Variants in SALL2 observed in about 807,000 individuals in gnomAD.
SALL2 encodes sal-like protein 2.
Under a neutral mutation model 58.5 loss-of-function variants are expected in SALL2, and 32 were observed. The observed-to-expected ratio is 0.55, with a 90% CI of 0.41 to 0.74. The LOEUF (loss-of-function observed/expected upper bound fraction) is 0.74. Ranked by LOEUF, SALL2 falls within the 30% of genes least tolerant of loss-of-function variation. The probability of loss-of-function intolerance (pLI) is 0.00; values close to 1 mark genes in which losing one functional copy is unlikely to be tolerated. For missense variants in SALL2, 1,201 were observed against 1,268.9 expected (o/e 0.95, Z 0.81); for synonymous variants, 516 against 513.6 (o/e 1.00, Z -0.06).
At chr14:21,536,922 T>G in intron 1 of SALL2, 1 of 1,613,892 alleles carries the variant, frequency 6.2e-7, no homozygotes. Flanking sequence ...GCCGAGACAT[T>G]CCCGGGTAGA....
chr14:21,521,716 A>G lies in SALL2; in HGVS notation c.*988T>C. On this transcript the variant is annotated 3_prime_UTR_variant, in exon 2 of 2. Coordinates refer to ENST00000537235, the MANE Select transcript of SALL2 (RefSeq NM_001364564.1). ...ACCATGCTGACCAAAAATGCTCCTTAAAGATACGAACTTCACATTTCCCAA... is the reference window on the plus strand; with the variant it reads ...ACCATGCTGACCAAAAATGCTCCTTGAAGATACGAACTTCACATTTCCCAA... 1 of 348,494 alleles carries G rather than the reference A, an allele frequency of 2.9e-6. No individual in the cohort carries two copies. Among genetic ancestry groups the G allele is most frequent in the South Asian group, 4.1e-5 (1 of 24,186 alleles). The allele number at this position is 348,494 out of a possible 1,614,324, so 21.6% of individuals were successfully genotyped here.
chr14:21,531,659 C>T (rs535274881), intron 1 of SALL2, among the ~76,000 whole-genome samples: 75 of 151,544 alleles, frequency 4.9e-4, no homozygotes, highest in Admixed American at 1.1e-3. Context: ...CTGCCCACCT[C>T]GGCCTCCCAA....
At position 21,525,541 on chromosome 14, in the gene SALL2, T is replaced by C; in HGVS notation, c.181A>G (p.Met61Val). ...QNACSTDPPVMVIIGGQENPN... is the reference protein window; with the variant it reads ...QNACSTDPPVVVIIGGQENPN... ...TTCTCCTGGCCCCCAATTATCACCA[T>C]TACAGGAGGGTCAGTAGAACATGCG... Residue 61 changes from methionine (M) to valine (V), a missense_variant, in exon 2 of 2, where the codon ATG becomes GTG. Met to Val is a conservative substitution (Grantham distance 21). Coordinates refer to ENST00000537235, the MANE Select transcript of SALL2 (RefSeq NM_001364564.1). This position sits in a 1 kb window ranked among gnomAD's most constrained non-coding sequence, Gnocchi z 4.4. 1 of 1,613,890 alleles carries C rather than the reference T, an allele frequency of 6.2e-7. No individual in the cohort carries two copies.
rs2139664998 is a variant in SALL2 at position 21,522,877 on chromosome 14, C to G, written c.2845G>C (p.Glu949Gln). Residue 949 changes from glutamate (E) to glutamine (Q), a missense_variant, in exon 2 of 2, where the codon GAG becomes CAG. This residue lies in a region of SALL2 where 675 missense variants were observed against 683.8 expected (regional missense o/e 0.99). Coordinates refer to ENST00000537235, the MANE Select transcript of SALL2 (RefSeq NM_001364564.1). Reference protein sequence around the residue: ...TCVFCRQGFLERATLKKHMLL... With the variant: ...TCVFCRQGFLQRATLKKHMLL... ...ATATGCTTCTTGAGGGTAGCCCGCT[C>G]AAGAAAGCCCTGCCTGCAGAAAACA... 6.2e-7 allele frequency: 1 copy of G among 1,610,980 alleles called. No homozygotes were observed. Among genetic ancestry groups the G allele is most frequent in the East Asian group, 2.2e-5 (1 of 44,838 alleles).
chr14:21,522,363 T>C lies in SALL2; in HGVS notation c.*341A>G, dbSNP rs777736609. 3.1e-5 allele frequency: 45 copies of C among 1,445,012 alleles called. No individual in the cohort carries two copies. The Middle Eastern group carries it at 1.5e-3, about 47-fold the overall frequency. The allele number at this position is 1,445,012 out of a possible 1,614,324, so 89.5% of individuals were successfully genotyped here. A position where few individuals can be genotyped will look rare whatever the true frequency, so the allele number is the denominator to read the frequency against. On this transcript the variant is annotated 3_prime_UTR_variant, in exon 2 of 2. Transcript: ENST00000537235. ...TTTGGCTAGGCTGCAATGCCAAATG[T>C]AGGTGCTCAGGTGCACCTACCAAAG...
At chr14:21,526,350 A>T, upstream of SALL2, 1 of 1,307,562 alleles carries the variant, frequency 7.6e-7, no homozygotes, top group Non-Finnish European at 9.7e-7. Context: ...GAGATCTGGG[A>T]GGAGCTGATG....
chr14:21,526,618 G>T, upstream of SALL2: 1 of 516,540 alleles, frequency 1.9e-6, no homozygotes. Context: ...TAGGGGCACA[G>T]TGGGAAACGT....
In SALL2 at chr14:21,523,581, C is replaced by T. The variant is rs1480035364; in HGVS notation, c.2141G>A (p.Gly714Asp). ...TGCAGTACCACCGTTGGGGATCTGG[C>T]CCCCCAGGTGCATCCGGACATGCTG... ...LQQHVRMHLG[G>D]QIPNGGTALP... The change falls in exon 2 of 2, where the codon GGC (glycine) becomes GAC (aspartate). Residue 714 changes from glycine (G) to aspartate (D), a missense_variant. By Grantham distance (94) the Gly-to-Asp change is moderately conservative. Coordinates refer to ENST00000537235, the MANE Select transcript of SALL2 (RefSeq NM_001364564.1). The surrounding 1 kb of genome is among the most constrained non-coding windows in gnomAD (Gnocchi z 4.4). The T allele has an allele frequency of 4.3e-6, 7 of 1,613,990 alleles. No individual in the cohort carries two copies. In the African/African-American group the frequency reaches 5.3e-5, roughly 12 times the overall value.
upstream of SALL2, among the ~76,000 whole-genome samples, chr14:21,530,348 CATGATCT>C (rs1892428505): frequency 8.0e-6 from 1 of 124,316 alleles, no homozygotes; most frequent in East Asian, 2.4e-4. Flanking sequence ...AGTGCAATGG[CATGATCT>C]CGGCTCACCG....
At chr14:21,533,619 G>GATCT (rs2139683998) in intron 1 of SALL2, among the ~76,000 whole-genome samples, 1 of 148,398 alleles carries the variant, frequency 6.7e-6, no homozygotes, top group South Asian at 2.1e-4. Context: ...TTCCTCTCTA[G>GATCT]AGTTTTTAAG....
intron 1 of SALL2, among the ~76,000 whole-genome samples, chr14:21,533,102 G>A (rs1365727282): frequency 6.6e-6 from 1 of 152,138 alleles, no homozygotes; most frequent in South Asian, 2.1e-4. Flanking sequence ...GTTATTATTT[G>A]AATGTCAAAA....
At chr14:21,533,246 C>G (rs1892511274) in intron 1 of SALL2, among the ~76,000 whole-genome samples, 1 of 152,106 alleles carries the variant, frequency 6.6e-6, no homozygotes, top group African/African-American at 2.4e-5. Flanking sequence ...GAGATACTCT[C>G]TATTCCAAAA....
In SALL2 at chr14:21,522,836, G is replaced by C; in HGVS notation, c.2886C>G (p.His962Gln). 6.2e-7 allele frequency: 1 copy of C among 1,610,742 alleles called. No homozygotes were observed. Among genetic ancestry groups the C allele is most frequent in the Non-Finnish European group, 8.5e-7 (1 of 1,178,624 alleles). Residue 962 changes from histidine (H) to glutamine (Q), a missense_variant, in exon 2 of 2, where the codon CAC (histidine) becomes CAG (glutamine). Physicochemically the swap from His to Gln is conservative, Grantham distance 24. Coordinates refer to ENST00000537235, the MANE Select transcript of SALL2 (RefSeq NM_001364564.1). ...TLKKHMLLAHHQVQPFAPHGP... is the reference protein window; with the variant it reads ...TLKKHMLLAHQQVQPFAPHGP... ...CATGGGGGGCAAAGGGCTGTACCTG[G>C]TGGTGTGCCAGGAGCATATGCTTCT...
chr14:21,535,156 T>C (rs12435218), intron 1 of SALL2, among the ~76,000 whole-genome samples: 12,921 of 151,704 alleles, frequency 0.085, 774 homozygotes, highest in Admixed American at 0.15. Context: ...GCATCCTGGC[T>C]AACACGGTGA....
rs749083828 is a variant in SALL2 at position 21,524,057 on chromosome 14, T to C, written c.1665A>G (p.Leu555=). The C allele has an allele frequency of 1.2e-6, 2 of 1,614,198 alleles. No homozygotes were observed. Among genetic ancestry groups the C allele is most frequent in the South Asian group, 1.1e-5 (1 of 91,088 alleles). ...RMQLSKLVTS[L]PSWALLTNHF... ...GGTTGGTAAGCAGTGCCCAGCTTGG[T>C]AGTGAAGTCACCAACTTACTTAGTT... The change falls in exon 2 of 2, where the codon CTA becomes CTG. Residue 555 remains leucine (L), a synonymous_variant. Coordinates refer to ENST00000537235, the MANE Select transcript of SALL2 (RefSeq NM_001364564.1).
In SALL2 at chr14:21,523,977, G is replaced by C; in HGVS notation, c.1745C>G (p.Ala582Gly). 1.2e-6 allele frequency: 2 copies of C among 1,614,198 alleles called. No individual in the cohort carries two copies. Among genetic ancestry groups the C allele is most frequent in the Non-Finnish European group, 1.7e-6 (2 of 1,180,030 alleles). Residue 582 changes from alanine (A) to glycine (G), a missense_variant, in exon 2 of 2, where the codon GCC (alanine) becomes GGC (glycine). Physicochemically the swap from Ala to Gly is moderately conservative, Grantham distance 60. Coordinates refer to ENST00000537235, the MANE Select transcript of SALL2 (RefSeq NM_001364564.1). The surrounding 1 kb of genome is among the most constrained non-coding windows in gnomAD (Gnocchi z 4.4). Reference protein sequence around the residue: ...PFPYVLEPLGASPSETSKLQQ... With the variant: ...PFPYVLEPLGGSPSETSKLQQ... ...CAGCTTTGATGTCTCAGAGGGTGAG[G>C]CCCCCAAGGGCTCTAGCACATAGGG...
chr14:21,522,663 T>C lies in SALL2; in HGVS notation c.*41A>G, dbSNP rs144664350. 7.3e-6 allele frequency: 11 copies of C among 1,507,076 alleles called. No homozygotes were observed. Among genetic ancestry groups the C allele is most frequent in the African/African-American group, 1.4e-5 (1 of 71,608 alleles). The allele number at this position is 1,507,076 out of a possible 1,614,324, so 93.4% of individuals were successfully genotyped here. A position where few individuals can be genotyped will look rare whatever the true frequency, so the allele number is the denominator to read the frequency against. On this transcript the variant is annotated 3_prime_UTR_variant, in exon 2 of 2. Transcript: ENST00000537235. The stretch of plus-strand genomic sequence containing the variant: ...GGAGGTCCTTTTGTGAAGCTGTTTC[T>C]GCTCTGTGGGACAAAGAGCAGCAGG...
At chr14:21,535,682 G>A (rs1406232307) in intron 1 of SALL2, among the ~76,000 whole-genome samples, 1 of 152,186 alleles carries the variant, frequency 6.6e-6, no homozygotes, top group Non-Finnish European at 1.5e-5. Flanking sequence ...TGGTGGAGCT[G>A]GGATTTGTCT....
chr14:21,523,312 A>G lies in SALL2; in HGVS notation c.2410T>C (p.Ser804Pro). ...ISVRGDSEEA[S>P]GAEEEVGTVA... ...GTCCCCACCTCCTCCTCTGCCCCAG[A>G]TGCCTCTTCTGAATCACCTCTCACT... is the stretch of plus-strand genomic sequence containing the variant. The change falls in exon 2 of 2, where the codon TCT becomes CCT. Residue 804 changes from serine to proline, a missense_variant. Around this residue, in one of 3 missense-constraint regions of SALL2, gnomAD observed 675 missense variants for 683.8 expected, o/e 0.99. Transcript: ENST00000537235. The surrounding 1 kb of genome is among the most constrained non-coding windows in gnomAD (Gnocchi z 4.4). 6.2e-7 allele frequency: 1 copy of G among 1,613,532 alleles called. No homozygotes were observed. Among genetic ancestry groups the G allele is most frequent in the Non-Finnish European group, 8.5e-7 (1 of 1,179,986 alleles).
Sources: allele counts gnomAD v4.1 joint callset (sites outside exome capture counted in the v4.1 genomes callset), GRCh38; gene constraint gnomAD v4.1.1; regional missense constraint gnomAD v4.1.1; non-coding constraint Gnocchi (gnomAD v3.1); transcripts MANE v1.5; gene names NCBI Gene and HGNC (gene_info 2026-07-23, HGNC 2026-07-21).